The following HHIP variants were observed in gnomAD, a reference collection of about 807,000 sequenced individuals.
HHIP encodes hedgehog-interacting protein.
In HHIP, 12 loss-of-function variants were observed where a neutral mutation model predicts 74.0. That is an observed-to-expected ratio of 0.16 (90% CI 0.10 to 0.26). HHIP has a LOEUF of 0.26. Ranked by LOEUF, HHIP falls within the 10% of genes least tolerant of loss-of-function variation. HHIP has a pLI of 1.00. For missense variants in HHIP, 788 were observed against 845.0 expected (o/e 0.93, Z 0.84); for synonymous variants, 309 against 311.6 (o/e 0.99, Z 0.09).
At position 144,646,464 on chromosome 4, in the gene HHIP, G is replaced by A. The variant is rs1728260517; in HGVS notation, c.-212G>A. On this transcript the variant is annotated 5_prime_UTR_variant, in exon 1 of 13. Coordinates refer to ENST00000296575, the MANE Select transcript of HHIP (RefSeq NM_022475.3). ...CCGCACAACTTTATCTCGCTCCTCG[G>A]GCTCCCCTAAGGCATTGGACCCATC... The A allele has an allele frequency of 2.0e-6, 1 of 502,202 alleles. No homozygotes were observed. The highest frequency in any genetic ancestry group is 5.1e-4 in the Middle Eastern group (1 of 1,972). 31.1% of individuals were successfully genotyped at this position (502,202 alleles called of 1,614,324 possible). A position where few individuals can be genotyped will look rare whatever the true frequency, so the allele number is the denominator to read the frequency against.
intron 1 of HHIP, among the ~76,000 whole-genome samples, chr4:144,647,705 T>C (rs2126569732): frequency 6.6e-6 from 1 of 152,232 alleles, no homozygotes; most frequent in South Asian, 2.1e-4. Context: ...AATACTAACA[T>C]GGTGTTTGTT....
intron 4 of HHIP, among the ~76,000 whole-genome samples, chr4:144,678,548 C>T (rs1300964541): frequency 2.6e-5 from 4 of 152,096 alleles, no homozygotes; most frequent in African/African-American, 9.7e-5. Context: ...CCTAGCCCCC[C>T]ATCCCCCTGA....
rs962125165 is a variant in HHIP at position 144,738,037 on chromosome 4, T to A, written c.*80T>A. 8 of 1,450,044 alleles carry A rather than the reference T, an allele frequency of 5.5e-6. No homozygotes were observed. In the African/African-American group the frequency reaches 7.1e-5, roughly 13 times the overall value. 89.8% of individuals were successfully genotyped at this position (1,450,044 alleles called of 1,614,324 possible). A position where few individuals can be genotyped will look rare whatever the true frequency, so the allele number is the denominator to read the frequency against. On this transcript the variant is annotated 3_prime_UTR_variant, in exon 13 of 13. Transcript: ENST00000296575. ...CATTAAAAAAAAAAGACTGTTATCC[T>A]GCTACACACTCCTGTGATTTCATTC...
rs1253752541 is a variant in HHIP, at chr4:144,741,364, T to G, written c.*3407T>G. On this transcript the variant is annotated 3_prime_UTR_variant, in exon 13 of 13. Coordinates refer to ENST00000296575, the MANE Select transcript of HHIP (RefSeq NM_022475.3). ...ACTAACAATTTTAATCCATTTGCTGTTTTTTTTTTTTTTTTGGTTTCTTTT... is the reference window on the plus strand; with the variant it reads ...ACTAACAATTTTAATCCATTTGCTGGTTTTTTTTTTTTTTTGGTTTCTTTT... The G allele has an allele frequency of 4.1e-4, 50 of 121,232 alleles. No individual in the cohort carries two copies. Among genetic ancestry groups the G allele is most frequent in the Admixed American group, 1.4e-3 (18 of 12,508 alleles). The allele number at this position is 121,232 out of a possible 1,614,324, so 7.5% of individuals were successfully genotyped here. A position where few individuals can be genotyped will look rare whatever the true frequency, so the allele number is the denominator to read the frequency against.
intron 11 of HHIP, among the ~76,000 whole-genome samples, chr4:144,721,075 A>G (rs938308771): frequency 1.4e-4 from 21 of 152,228 alleles, no homozygotes; most frequent in African/African-American, 5.1e-4. Context: ...TCAAACACAA[A>G]TTAAACTTTT....
intron 4 of HHIP, among the ~76,000 whole-genome samples, chr4:144,669,871 G>A (rs1200048031): frequency 1.3e-5 from 2 of 151,950 alleles, no homozygotes; most frequent in Non-Finnish European, 2.9e-5. Flanking sequence ...AACTGGCTGG[G>A]TGTAGTGGCT....
At chr4:144,692,166 G>A (rs1336481826) in intron 4 of HHIP, among the ~76,000 whole-genome samples, 3 of 151,978 alleles carry the variant, frequency 2.0e-5, no homozygotes, top group Non-Finnish European at 4.4e-5. Flanking sequence ...AATACCTTGT[G>A]AAGTAGAAGT....
Position 144,699,101 on chromosome 4 carries a change from G to A in HHIP, c.832-7430G>A, listed in dbSNP as rs149777224. Among the ~76,000 whole-genome samples the A allele has an allele frequency of 1.5e-3, 222 of 152,220 alleles. 5 individuals carry two copies. Among genetic ancestry groups the A allele is most frequent in the African/African-American group, 5.1e-3 (211 of 41,542 alleles). ...TCTGAAACTATCTGGACTTAGCTCAGACCTCACAGGTTAAGGGCTCAGCCC... is the reference window on the plus strand; with the variant it reads ...TCTGAAACTATCTGGACTTAGCTCAAACCTCACAGGTTAAGGGCTCAGCCC... On this transcript the variant is annotated intron_variant, in intron 4 of 12. Transcript: ENST00000296575.
Position 144,742,985 on chromosome 4 carries a change from A to C in HHIP, c.*5028A>C, listed in dbSNP as rs1203279070. 2 of 600 alleles carry C rather than the reference A, an allele frequency of 3.3e-3. No individual in the cohort carries two copies. Among genetic ancestry groups the C allele is most frequent in the African/African-American group, 4.0e-3 (2 of 496 alleles). The allele number at this position is 600 out of a possible 1,614,324, so 0.0% of individuals were successfully genotyped here. On this transcript the variant is annotated 3_prime_UTR_variant, in exon 13 of 13. Coordinates refer to ENST00000296575, the MANE Select transcript of HHIP (RefSeq NM_022475.3). ...ATAAGATATATGTATATATATATAC[A>C]TTATATATATATAATATATATATAT...
chr4:144,653,343 T>C (rs1313457373), intron 2 of HHIP, among the ~76,000 whole-genome samples: 1 of 152,154 alleles, frequency 6.6e-6, no homozygotes, highest in Non-Finnish European at 1.5e-5. Flanking sequence ...CCTCTCCAAT[T>C]GGCAGATGAG....
intron 8 of HHIP, 64 bp from the exon 9 acceptor site, chr4:144,714,161 G>C (rs2126663832): frequency 7.2e-7 from 1 of 1,389,480 alleles, no homozygotes; most frequent in Non-Finnish European, 1.0e-6. Flanking sequence ...TTGTTGTTTG[G>C]TGTACATTCC....
chr4:144,685,620 T>G (rs1729464379), intron 4 of HHIP: 1 of 151,982 alleles, frequency 6.6e-6, no homozygotes, highest in African/African-American at 2.4e-5. Context: ...ATCCTTTTCA[T>G]CATCAAGAAA....
chr4:144,693,235 G>GA (rs1361477210), intron 4 of HHIP, among the ~76,000 whole-genome samples: 2 of 148,780 alleles, frequency 1.3e-5, no homozygotes, highest in Non-Finnish European at 3.0e-5. Context: ...TTTTCCATCA[G>GA]TTTTTTTTTT....
At chr4:144,733,082 G>T (rs1731006676) in intron 11 of HHIP, among the ~76,000 whole-genome samples, 1 of 152,128 alleles carries the variant, frequency 6.6e-6, no homozygotes, top group Non-Finnish European at 1.5e-5. Context: ...ACAAGAAGAA[G>T]GCGAAGATTG....
rs148922280 is a variant in HHIP at position 144,724,121 on chromosome 4, T to C, written c.1760+5165T>C. 4.2e-3 allele frequency among the ~76,000 whole-genome samples: 646 copies of C among 152,300 alleles called. 6 individuals carry two copies. The highest frequency in any genetic ancestry group is 0.015 in the African/African-American group (608 of 41,568). On this transcript the variant is annotated intron_variant, in intron 11 of 12. Coordinates refer to ENST00000296575, the MANE Select transcript of HHIP (RefSeq NM_022475.3). Reference sequence around the variant, plus strand: ...TAATGAATGGATGAGCATGCATACATAATAGATGGTAGCAGCCTGAGTATC... The same window carrying C: ...TAATGAATGGATGAGCATGCATACACAATAGATGGTAGCAGCCTGAGTATC...
intron 4 of HHIP, among the ~76,000 whole-genome samples, chr4:144,674,082 T>G (rs994335990): frequency 1.3e-5 from 2 of 152,224 alleles, no homozygotes; most frequent in Non-Finnish European, 2.9e-5. Context: ...TTAACCTAAC[T>G]TATTCCAAAA....
intron 4 of HHIP, among the ~76,000 whole-genome samples, chr4:144,694,826 C>A (rs947794265): frequency 2.0e-5 from 3 of 151,676 alleles, no homozygotes; most frequent in African/African-American, 7.3e-5. Flanking sequence ...GAGATTTTAG[C>A]TTTAAAGATG....
At chr4:144,716,258 T>A (rs951075717) in intron 10 of HHIP, among the ~76,000 whole-genome samples, 1 of 151,306 alleles carries the variant, frequency 6.6e-6, no homozygotes, top group African/African-American at 2.4e-5. Flanking sequence ...TCAGATTTGG[T>A]TTTTTTTACA....
chr4:144,655,050 T>C (rs1196486313), intron 2 of HHIP: 1 of 152,196 alleles, frequency 6.6e-6, no homozygotes, highest in Non-Finnish European at 1.5e-5. Context: ...ATAAATGACT[T>C]AACCATTTGC....
Sources: allele counts gnomAD v4.1 joint callset (sites outside exome capture counted in the v4.1 genomes callset), GRCh38; gene constraint gnomAD v4.1.1; transcripts MANE v1.5; gene names NCBI Gene and HGNC (gene_info 2026-07-23, HGNC 2026-07-21).